The following CSMD3 variants were observed in gnomAD, a reference collection of about 807,000 sequenced individuals.
CSMD3 encodes the protein CUB and sushi domain-containing protein 3.
Under a neutral mutation model 435.2 loss-of-function variants are expected in CSMD3, and 177 were observed. The ratio of observed to expected loss-of-function variants is 0.41; its 90% CI spans 0.36 to 0.46. The LOEUF is 0.46. CSMD3 is among the 20% of genes least tolerant of loss of function. The pLI is 0.34. For missense variants in CSMD3, 4,265 were observed against 4,504.6 expected (o/e 0.95, Z 1.52); for synonymous variants, 1,656 against 1,520.5 (o/e 1.09, Z -2.07).
intron 48 of CSMD3, 107 bp from the exon 49 acceptor site, chr8:112,314,159 C>A: frequency 2.4e-6 from 2 of 846,296 alleles, no homozygotes; most frequent in Non-Finnish European, 3.8e-6. Context: ...ATTGCTTCAC[C>A]ACCAATCTAC....
At position 112,223,115 on chromosome 8, in the gene CSMD3, T is replaced by G; in HGVS notation, c.*1656A>C. Reference sequence around the variant, plus strand: ...GATCTTAAATGTATTAGCCTTAACATTAATGAATGAATCATTGTTATTGCA... The same window carrying G: ...GATCTTAAATGTATTAGCCTTAACAGTAATGAATGAATCATTGTTATTGCA... On this transcript the variant is annotated 3_prime_UTR_variant, in exon 71 of 71. Coordinates refer to ENST00000297405, the MANE Select transcript of CSMD3 (RefSeq NM_198123.2). 2 of 398,456 alleles carry G rather than the reference T, an allele frequency of 5.0e-6. No individual in the cohort carries two copies. Among genetic ancestry groups the G allele is most frequent in the Non-Finnish European group, 4.4e-6 (1 of 225,710 alleles). 24.7% of individuals were successfully genotyped at this position (398,456 alleles called of 1,614,324 possible). A position where few individuals can be genotyped will look rare whatever the true frequency, so the allele number is the denominator to read the frequency against.
chr8:113,391,828 G>A (rs1193507906), intron 1 of CSMD3, among the ~76,000 whole-genome samples: 1 of 151,742 alleles, frequency 6.6e-6, no homozygotes, highest in African/African-American at 2.4e-5. Flanking sequence ...GGGCTAGAAG[G>A]GAAAAAGAAG....
chr8:113,090,949 T>G (rs2131509220), intron 5 of CSMD3, among the ~76,000 whole-genome samples: 2 of 152,146 alleles, frequency 1.3e-5, no homozygotes, highest in South Asian at 2.1e-4. Context: ...TGCCTCTTTC[T>G]TAAGAAAGAA....
chr8:113,231,118 A>C (rs1489103324), intron 3 of CSMD3, among the ~76,000 whole-genome samples: 2 of 151,446 alleles, frequency 1.3e-5, no homozygotes, highest in African/African-American at 4.8e-5. Flanking sequence ...TTATTTTAAA[A>C]ATACTTCCTA....
At chr8:113,428,278 CT>C (rs2094649090) in intron 1 of CSMD3, among the ~76,000 whole-genome samples, 1 of 151,280 alleles carries the variant, frequency 6.6e-6, no homozygotes, top group Non-Finnish European at 1.5e-5. Context: ...CTAATCACGA[CT>C]ATTGATCTTA....
intron 13 of CSMD3, among the ~76,000 whole-genome samples, chr8:112,799,956 TAG>T (rs1205676631): frequency 6.6e-6 from 1 of 151,832 alleles, no homozygotes; most frequent in Non-Finnish European, 1.5e-5. Flanking sequence ...GTATGCAAAA[TAG>T]ACACATTTTA....
chr8:112,386,716 C>T (rs773956522), intron 36 of CSMD3, among the ~76,000 whole-genome samples: 4 of 151,850 alleles, frequency 2.6e-5, no homozygotes, highest in African/African-American at 9.7e-5. Flanking sequence ...CCAGGATGGT[C>T]GCTATCTCCT....
chr8:113,250,838 G>A (rs181192557), intron 3 of CSMD3, among the ~76,000 whole-genome samples: 165 of 152,134 alleles, frequency 1.1e-3, no homozygotes, highest in Admixed American at 1.7e-3. Flanking sequence ...TGCTCACAGC[G>A]TCACAGCAGA....
At chr8:112,290,112 CAG>C (rs1819615078) in intron 56 of CSMD3, among the ~76,000 whole-genome samples, 1 of 152,024 alleles carries the variant, frequency 6.6e-6, no homozygotes, top group African/African-American at 2.4e-5. Flanking sequence ...AGACAATACT[CAG>C]TGGCTTATAA....
At chr8:113,015,726 G>A (rs774452097) in intron 6 of CSMD3, among the ~76,000 whole-genome samples, 1 of 151,594 alleles carries the variant, frequency 6.6e-6, no homozygotes, top group Non-Finnish European at 1.5e-5. Flanking sequence ...ATCTTCTATA[G>A]GTAAGATTTT....
intron 10 of CSMD3, among the ~76,000 whole-genome samples, chr8:112,888,581 A>G (rs979851075): frequency 2.6e-5 from 4 of 151,730 alleles, no homozygotes; most frequent in Non-Finnish European, 1.5e-5. Context: ...GAGTAATTTT[A>G]GTTTGATTCT....
At chr8:112,627,024 T>C (rs558132262) in intron 22 of CSMD3, among the ~76,000 whole-genome samples, 16 of 152,080 alleles carry the variant, frequency 1.1e-4, no homozygotes, top group South Asian at 8.3e-4. Context: ...ACAGCAAATA[T>C]TAGCTTTTAT....
chr8:112,494,576 C>CTTTCT (rs1821148471), intron 30 of CSMD3, among the ~76,000 whole-genome samples: 1 of 120,486 alleles, frequency 8.3e-6, no homozygotes, highest in Non-Finnish European at 1.7e-5. Context: ...TCTTTCTTTT[C>CTTTCT]TTTCTTTCTC....
At chr8:113,288,070 G>A (rs778723303) in intron 2 of CSMD3, among the ~76,000 whole-genome samples, 14 of 151,806 alleles carry the variant, frequency 9.2e-5, no homozygotes, top group Non-Finnish European at 1.8e-4. Flanking sequence ...TTACAAAAGT[G>A]TTCCTTTGAT....
At chr8:112,690,127 T>C (rs1586976845) in intron 13 of CSMD3, 77 bp from the exon 14 acceptor site, 5 of 1,038,828 alleles carry the variant, frequency 4.8e-6, no homozygotes, top group South Asian at 2.6e-5. Flanking sequence ...TAGGTAGATA[T>C]ATGCTCTTTG....
At chr8:113,284,567 C>A (rs1398269125) in intron 2 of CSMD3, among the ~76,000 whole-genome samples, 1 of 151,958 alleles carries the variant, frequency 6.6e-6, no homozygotes, top group Non-Finnish European at 1.5e-5. Context: ...CTAGGAACAA[C>A]AATATAGTTC....
rs570947194 is a variant in CSMD3, at chr8:112,732,332, GC to G, written c.1973-42283del. On this transcript the variant is annotated intron_variant, in intron 13 of 70. Transcript: ENST00000297405. ...ACTAAGATGGGAAGGGAGTGAGAAT[GC>G]TTATTTGTTAAAATGGGTTAGTGTT... 5.0e-3 allele frequency among the ~76,000 whole-genome samples: 758 copies of G among 152,212 alleles called. 3 individuals are homozygous for G. The highest frequency in any genetic ancestry group is 9.5e-3 in the Admixed American group (145 of 15,268).
intron 8 of CSMD3, among the ~76,000 whole-genome samples, chr8:112,952,191 A>G (rs1185075191): frequency 6.6e-6 from 1 of 151,542 alleles, no homozygotes; most frequent in Admixed American, 6.6e-5. Flanking sequence ...TTAACAGCCA[A>G]ACTCTGCCCA....
At chr8:112,950,267 A>C (rs2130809714) in intron 8 of CSMD3, among the ~76,000 whole-genome samples, 1 of 152,058 alleles carries the variant, frequency 6.6e-6, no homozygotes, top group South Asian at 2.1e-4. Flanking sequence ...GTGAAAAAAT[A>C]TCCTCTTTCC....
Sources: gnomAD v4.1 joint callset for allele counts (sites outside exome capture counted in the v4.1 genomes callset) on GRCh38, gnomAD v4.1.1 for gene constraint, MANE v1.5 for transcripts, NCBI Gene and HGNC (gene_info 2026-07-23, HGNC 2026-07-21) for gene names.